WDR7: variants seen among roughly 807,000 people sequenced by gnomAD.
WDR7 encodes WD repeat domain 7.
A neutral mutation model predicts 169.4 loss-of-function variants in WDR7; 46 were observed. That is an observed-to-expected ratio of 0.27 (90% CI 0.21 to 0.35). The LOEUF is 0.35. Ranked by LOEUF, WDR7 falls within the 10% of genes least tolerant of loss-of-function variation. The pLI is 1.00. For synonymous variants in WDR7, 612 were observed against 666.8 expected (o/e 0.92, Z 1.27); for missense variants, 1,534 against 1,859.3 (o/e 0.83, Z 3.22).
intron 26 of WDR7, among the ~76,000 whole-genome samples, chr18:56,968,070 T>C (rs1377683701): frequency 6.6e-6 from 1 of 151,926 alleles, no homozygotes; most frequent in Admixed American, 6.6e-5. Context: ...CTTTGGTAGA[T>C]GTAGGCATTT....
intron 19 of WDR7, among the ~76,000 whole-genome samples, chr18:56,811,707 G>A (rs1434037016): frequency 6.6e-6 from 1 of 151,988 alleles, no homozygotes; most frequent in Non-Finnish European, 1.5e-5. Flanking sequence ...TGGATGTTCA[G>A]TTGTTCTAGC....
intron 20 of WDR7, among the ~76,000 whole-genome samples, chr18:56,862,160 CTT>C (rs2045813886): frequency 6.6e-6 from 1 of 151,904 alleles, no homozygotes. Context: ...TTTAGAACTA[CTT>C]TACTATCGTC....
intron 19 of WDR7, among the ~76,000 whole-genome samples, chr18:56,794,846 A>G (rs988501909): frequency 3.3e-5 from 5 of 152,056 alleles, no homozygotes; most frequent in East Asian, 1.9e-4. Context: ...TCAATCATCT[A>G]CTTGTCTTTA....
intron 20 of WDR7, among the ~76,000 whole-genome samples, chr18:56,845,454 C>T (rs1343268353): frequency 6.6e-6 from 1 of 151,876 alleles, no homozygotes; most frequent in Non-Finnish European, 1.5e-5. Flanking sequence ...AGTAATATTT[C>T]TGGAGATTAT....
intron 22 of WDR7, among the ~76,000 whole-genome samples, chr18:56,928,176 C>CA (rs1177980044): frequency 1.3e-5 from 2 of 152,148 alleles, no homozygotes; most frequent in African/African-American, 4.8e-5. Context: ...AAAACTGAAA[C>CA]ACAGTGGCTG....
intron 14 of WDR7, among the ~76,000 whole-genome samples, chr18:56,733,884 C>A (rs2026639821): frequency 6.6e-6 from 1 of 152,018 alleles, no homozygotes; most frequent in South Asian, 2.1e-4. Flanking sequence ...GGATTTTTGA[C>A]TTATTTATCT....
intron 20 of WDR7, among the ~76,000 whole-genome samples, chr18:56,872,470 G>T (rs943777697): frequency 2.6e-5 from 4 of 152,100 alleles, no homozygotes; most frequent in Non-Finnish European, 5.9e-5. Flanking sequence ...TGTAAATCTA[G>T]AGTCAATTAT....
At chr18:56,861,269 C>T (rs1453190723) in intron 20 of WDR7, among the ~76,000 whole-genome samples, 2 of 152,184 alleles carry the variant, frequency 1.3e-5, no homozygotes, top group Non-Finnish European at 2.9e-5. Context: ...CGCCCTTTCA[C>T]AACCTTCAAC....
intron 20 of WDR7, among the ~76,000 whole-genome samples, chr18:56,825,540 A>T (rs542644182): frequency 9.5e-4 from 145 of 152,352 alleles, no homozygotes; most frequent in African/African-American, 3.3e-3. Context: ...TACTTGCCAC[A>T]TAAAAGCCAC....
At chr18:56,842,863 G>C (rs1251574574) in intron 20 of WDR7, among the ~76,000 whole-genome samples, 2 of 152,194 alleles carry the variant, frequency 1.3e-5, no homozygotes, top group Non-Finnish European at 2.9e-5. Flanking sequence ...TTTGGGGAGA[G>C]AAGAGACATT....
At chr18:56,821,315 G>A (rs886589466) in intron 20 of WDR7, among the ~76,000 whole-genome samples, 3 of 152,164 alleles carry the variant, frequency 2.0e-5, no homozygotes, top group African/African-American at 7.2e-5. Flanking sequence ...TTACACATGA[G>A]CCTTATGAAA....
intron 19 of WDR7, among the ~76,000 whole-genome samples, chr18:56,802,000 T>C (rs1326381227): frequency 6.6e-6 from 1 of 152,182 alleles, no homozygotes; most frequent in Non-Finnish European, 1.5e-5. Flanking sequence ...GGAATGGAAT[T>C]GCTTAGTTAT....
intron 26 of WDR7, among the ~76,000 whole-genome samples, chr18:56,971,420 C>G (rs569743985): frequency 5.3e-5 from 8 of 152,124 alleles, no homozygotes; most frequent in Non-Finnish European, 1.2e-4. Flanking sequence ...TATGATGGCT[C>G]TTATGTGCGC....
intron 14 of WDR7, among the ~76,000 whole-genome samples, chr18:56,739,671 A>G (rs2144846629): frequency 1.3e-5 from 2 of 152,032 alleles, no homozygotes; most frequent in Admixed American, 1.3e-4. Context: ...TCTGTTTTTG[A>G]AGGATATGTT....
intron 4 of WDR7, among the ~76,000 whole-genome samples, chr18:56,682,036 T>C (rs1156812827): frequency 1.3e-5 from 2 of 152,234 alleles, no homozygotes; most frequent in Non-Finnish European, 2.9e-5. Context: ...TGATCAATTA[T>C]GATTTCAATG....
At chr18:56,764,092 T>A (rs1286513294) in intron 16 of WDR7, among the ~76,000 whole-genome samples, 1 of 152,106 alleles carries the variant, frequency 6.6e-6, no homozygotes, top group Non-Finnish European at 1.5e-5. Flanking sequence ...AATGTGCTCT[T>A]ATATTTTTAA....
At chr18:56,964,209 C>CAAAAAA (rs370790953) in intron 26 of WDR7, among the ~76,000 whole-genome samples, 2 of 68,744 alleles carry the variant, frequency 2.9e-5, no homozygotes, top group Non-Finnish European at 3.2e-5. Flanking sequence ...TGGTAACATG[C>CAAAAAA]AAAAAAAAAA....
intron 12 of WDR7, among the ~76,000 whole-genome samples, chr18:56,698,934 A>G (rs1167248744): frequency 6.6e-6 from 1 of 152,180 alleles, no homozygotes; most frequent in Non-Finnish European, 1.5e-5. Context: ...ACTGGGCTTA[A>G]TACTTGGGTG....
intron 16 of WDR7, among the ~76,000 whole-genome samples, chr18:56,768,602 C>A (rs974968701): frequency 3.9e-5 from 6 of 152,108 alleles, no homozygotes; most frequent in African/African-American, 1.4e-4. Context: ...GTAAGAGATA[C>A]AAAGGACTCT....
Sources: gnomAD v4.1 joint callset for allele counts (sites outside exome capture counted in the v4.1 genomes callset) on GRCh38, gnomAD v4.1.1 for gene constraint, MANE v1.5 for transcripts, NCBI Gene and HGNC (gene_info 2026-07-23, HGNC 2026-07-21) for gene names.